Variants in AGBL4 observed in about 807,000 individuals in gnomAD.
The protein encoded by AGBL4 is cytosolic carboxypeptidase 6.
In AGBL4, 58 loss-of-function variants were observed where a neutral mutation model predicts 66.4. The observed-to-expected ratio is 0.87, with a 90% CI of 0.71 to 1.09. The LOEUF (loss-of-function observed/expected upper bound fraction) is 1.09, where lower values mean the gene tolerates loss of function less well. Among genes scored for constraint, AGBL4 ranks in the 50% least tolerant of loss-of-function variants. AGBL4 has a pLI of 0.00. For synonymous variants in AGBL4, 234 were observed against 222.9 expected, an observed-to-expected ratio of 1.05 and a Z score of -0.44; for missense variants, 579 against 631.0, an observed-to-expected ratio of 0.92 and a Z score of 0.88.
chr1:49,960,231 G>A (rs945901259), intron 1 of AGBL4, among the ~76,000 whole-genome samples: 7 of 151,754 alleles, frequency 4.6e-5, no homozygotes, highest in East Asian at 3.9e-4. Context: ...AGTACTATTC[G>A]CCCATAAAAA....
intron 3 of AGBL4, among the ~76,000 whole-genome samples, chr1:49,568,310 TA>T (rs1291104601): frequency 6.6e-6 from 1 of 152,110 alleles, no homozygotes; most frequent in Non-Finnish European, 1.5e-5. Flanking sequence ...AAAATTAATG[TA>T]AAAAATGACA....
chr1:48,821,896 G>A (rs1226150273), intron 6 of AGBL4, among the ~76,000 whole-genome samples: 4 of 152,146 alleles, frequency 2.6e-5, no homozygotes, highest in African/African-American at 9.7e-5. Context: ...ATTTTGGTAA[G>A]AGCAAAAGAT....
At chr1:48,972,397 C>T (rs1365335087) in intron 5 of AGBL4, among the ~76,000 whole-genome samples, 1 of 152,120 alleles carries the variant, frequency 6.6e-6, no homozygotes, top group African/African-American at 2.4e-5. Context: ...AGTCCATGGA[C>T]AGAATAAGGA....
At chr1:49,103,795 T>A (rs139945869) in intron 4 of AGBL4, among the ~76,000 whole-genome samples, 2 of 152,304 alleles carry the variant, frequency 1.3e-5, no homozygotes, top group East Asian at 3.9e-4. Context: ...GAAAAACATG[T>A]TCTGTTTGAC....
chr1:49,718,396 G>A (rs1648328573), intron 2 of AGBL4, among the ~76,000 whole-genome samples: 1 of 151,944 alleles, frequency 6.6e-6, no homozygotes, highest in South Asian at 2.1e-4. Flanking sequence ...CTTACTTCCT[G>A]TATAGCCTAC....
chr1:49,127,992 A>G (rs1645800741), intron 4 of AGBL4, among the ~76,000 whole-genome samples: 1 of 152,050 alleles, frequency 6.6e-6, no homozygotes. Context: ...GTAGAAAAAC[A>G]AGTCAACAGG....
At chr1:49,189,402 A>G (rs377618188) in intron 4 of AGBL4, among the ~76,000 whole-genome samples, 1 of 152,226 alleles carries the variant, frequency 6.6e-6, no homozygotes, top group Non-Finnish European at 1.5e-5. Flanking sequence ...TCCTCTCTGC[A>G]TGACCTTGGC....
intron 9 of AGBL4, among the ~76,000 whole-genome samples, chr1:48,620,163 A>G (rs941084183): frequency 4.6e-5 from 7 of 152,180 alleles, no homozygotes; most frequent in African/African-American, 1.7e-4. Context: ...CCAATTAAAG[A>G]TATTAGCACA....
At chr1:48,765,920 T>C (rs1644506180) in intron 6 of AGBL4, among the ~76,000 whole-genome samples, 1 of 152,154 alleles carries the variant, frequency 6.6e-6, no homozygotes, top group African/African-American at 2.4e-5. Context: ...AAAAGGGCAA[T>C]AAAGAGTGAC....
chr1:49,875,238 G>A (rs1174075893), intron 1 of AGBL4, among the ~76,000 whole-genome samples: 1 of 147,294 alleles, frequency 6.8e-6, no homozygotes, highest in Non-Finnish European at 1.5e-5. Context: ...CATATGCCAT[G>A]CTGGTGCGCT....
intron 6 of AGBL4, among the ~76,000 whole-genome samples, chr1:48,812,191 A>G (rs114418774): frequency 6.6e-5 from 10 of 152,332 alleles, no homozygotes; most frequent in African/African-American, 2.4e-4. Context: ...GCCAAGAGGC[A>G]TATTTCTCAA....
intron 6 of AGBL4, among the ~76,000 whole-genome samples, chr1:48,796,622 T>C (rs1454492922): frequency 6.6e-6 from 1 of 152,164 alleles, no homozygotes; most frequent in African/African-American, 2.4e-5. Context: ...AATCCTTGAG[T>C]ACCCACGTTC....
intron 3 of AGBL4, among the ~76,000 whole-genome samples, chr1:49,697,032 T>C (rs1646998778): frequency 6.6e-6 from 1 of 152,136 alleles, no homozygotes; most frequent in Admixed American, 6.6e-5. Context: ...TGTTTCCTTA[T>C]AGTGTCCCTC....
chr1:49,036,926 G>A (rs1022246723), intron 5 of AGBL4, among the ~76,000 whole-genome samples: 1 of 151,940 alleles, frequency 6.6e-6, no homozygotes. Context: ...TCACAGGGAG[G>A]GAGCTCTTTT....
intron 4 of AGBL4, chr1:49,175,221 G>A (rs1487923217): frequency 6.6e-6 from 1 of 151,922 alleles, no homozygotes; most frequent in East Asian, 1.9e-4. Flanking sequence ...ATCATGAACT[G>A]TAAGTTGATA....
At chr1:48,993,549 C>T (rs1557537446) in intron 5 of AGBL4, among the ~76,000 whole-genome samples, 1 of 152,110 alleles carries the variant, frequency 6.6e-6, no homozygotes, top group African/African-American at 2.4e-5. Context: ...GCCCTGACCC[C>T]GGAACAGCAC....
chr1:49,636,189 T>G (rs933132192), intron 3 of AGBL4, among the ~76,000 whole-genome samples: 2 of 152,168 alleles, frequency 1.3e-5, no homozygotes, highest in Admixed American at 6.5e-5. Flanking sequence ...CAGAGTGGCT[T>G]AAACAACAAA....
intron 1 of AGBL4, among the ~76,000 whole-genome samples, chr1:49,899,468 C>A (rs530215819): frequency 7.3e-5 from 11 of 151,674 alleles, no homozygotes; most frequent in Non-Finnish European, 1.5e-4. Flanking sequence ...ACTTTACATG[C>A]CTGTATCAAA....
intron 5 of AGBL4, among the ~76,000 whole-genome samples, chr1:48,877,938 AC>A (rs1262108722): frequency 6.6e-6 from 1 of 152,162 alleles, no homozygotes; most frequent in African/African-American, 2.4e-5. Flanking sequence ...TGAACAAATG[AC>A]TTCATCTCTC....
Sources: allele counts gnomAD v4.1 joint callset (sites outside exome capture counted in the v4.1 genomes callset), GRCh38; gene constraint gnomAD v4.1.1; transcripts MANE v1.5; gene names NCBI Gene and HGNC (gene_info 2026-07-23, HGNC 2026-07-21).